The following PARP15 variants were observed in gnomAD, a reference collection of about 807,000 sequenced individuals.
PARP15 encodes the protein protein mono-ADP-ribosyltransferase PARP15.
Under a neutral mutation model 62.1 loss-of-function variants are expected in PARP15, and 50 were observed. The observed-to-expected ratio is 0.81, with a 90% confidence interval of 0.64 to 1.02. The LOEUF is 1.02. PARP15 is among the 50% of genes least tolerant of loss of function. The pLI is 0.00. For missense variants in PARP15, 820 were observed against 826.5 expected, an observed-to-expected ratio of 0.99 and a Z score of 0.10; for synonymous variants, 309 against 293.1, an observed-to-expected ratio of 1.05 and a Z score of -0.55.
intron 8 of PARP15, among the ~76,000 whole-genome samples, chr3:122,625,135 T>C (rs899093371): frequency 5.3e-5 from 8 of 152,332 alleles, no homozygotes; most frequent in Admixed American, 1.3e-4. Flanking sequence ...CAAACTGAAG[T>C]GTAGAGGTGT....
At chr3:122,602,734 AC>A (rs1410286371) in intron 1 of PARP15, among the ~76,000 whole-genome samples, 1 of 135,090 alleles carries the variant, frequency 7.4e-6, no homozygotes, top group East Asian at 2.0e-4. Flanking sequence ...TAAGGGCAAG[AC>A]TTTTTCAGGA....
At chr3:122,590,439 A>T (rs1173187954) in intron 1 of PARP15, among the ~76,000 whole-genome samples, 3 of 150,256 alleles carry the variant, frequency 2.0e-5, no homozygotes, top group African/African-American at 4.9e-5. Flanking sequence ...CGCCCAACTA[A>T]TTTTTTTTGC....
At chr3:122,593,062 A>G (rs1934047415) in intron 1 of PARP15, among the ~76,000 whole-genome samples, 1 of 151,174 alleles carries the variant, frequency 6.6e-6, no homozygotes, top group South Asian at 2.1e-4. Context: ...ACATATATAT[A>G]TGTATAGACT....
intron 6 of PARP15, among the ~76,000 whole-genome samples, chr3:122,619,259 A>T (rs1249316861): frequency 1.3e-5 from 2 of 152,202 alleles, no homozygotes; most frequent in Admixed American, 1.3e-4. Context: ...GTCAAAATGC[A>T]AAGTCCATAT....
chr3:122,607,981 A>G lies in PARP15; in HGVS notation c.306+1926A>G, dbSNP rs535984930. ...TCTGTCCTCTACATCACTGTTTGAT[A>G]TATATTCCAAAAACATTATTTTAGC... On this transcript the variant is annotated intron_variant, in intron 2 of 11. Coordinates refer to ENST00000464300, the MANE Select transcript of PARP15 (RefSeq NM_001113523.3). 2.0e-4 allele frequency among the ~76,000 whole-genome samples: 31 copies of G among 152,200 alleles called. No homozygotes were observed. The South Asian group carries it at 6.4e-3, about 32-fold the overall frequency.
Position 122,634,734 on chromosome 3 carries a change from T to C in PARP15, c.1573-286T>C, listed in dbSNP as rs147529315. Among the ~76,000 whole-genome samples the C allele has an allele frequency of 7.6e-3, 1,152 of 152,334 alleles. 8 individuals carry two copies. The highest frequency in any genetic ancestry group is 0.012 in the Non-Finnish European group (811 of 68,028). Reference sequence around the variant, plus strand: ...AGGAATTCCAGGGAATATATGTTGGTAATCATTTAGATATAAACCGCAAAT... The same window carrying C: ...AGGAATTCCAGGGAATATATGTTGGCAATCATTTAGATATAAACCGCAAAT... On this transcript the variant is annotated intron_variant, in intron 10 of 11. Coordinates refer to ENST00000464300, the MANE Select transcript of PARP15 (RefSeq NM_001113523.3).
At chr3:122,620,387 A>T (rs184113396) in intron 7 of PARP15, among the ~76,000 whole-genome samples, 55 of 152,324 alleles carry the variant, frequency 3.6e-4, no homozygotes, top group African/African-American at 1.2e-3. Context: ...TAGTGATTAT[A>T]AACTGTTTGT....
chr3:122,627,017 A>G lies in PARP15; in HGVS notation c.1422A>G (p.Thr474=), dbSNP rs2107590301. The G allele has an allele frequency of 1.9e-6, 3 of 1,611,560 alleles. No individual in the cohort carries two copies. The highest frequency in any genetic ancestry group is 1.3e-5 in the African/African-American group (1 of 74,922). ...CTGCATCACTGAACTTTCAGTCCACATTCTCCATGACTACATGTAAGATGT... is the reference window on the plus strand; with the variant it reads ...CTGCATCACTGAACTTTCAGTCCACGTTCTCCATGACTACATGTAAGATGT... ...DLSASLNFQS[T]FSMTTCNLPE... is the part of the protein sequence containing the mutation. Residue 474 remains threonine (T), a synonymous_variant, in exon 9 of 12, where the codon ACA becomes ACG. Transcript: ENST00000464300.
chr3:122,632,050 T>G (rs755427831), intron 9 of PARP15, 36 bp from the exon 10 acceptor site: 19 of 1,613,504 alleles, frequency 1.2e-5, no homozygotes, highest in Non-Finnish European at 1.6e-5. Flanking sequence ...TCTTTGGAAA[T>G]GAATGTTGTG....
At position 122,628,286 on chromosome 3, in the gene PARP15, G is replaced by A. The variant is rs539778777; in HGVS notation, c.1438+1253G>A. ...AGGTTATCATTGCAGGCAGGGAACC[G>A]GAATTACACTGGCCAAGCCAGAGTC... On this transcript the variant is annotated intron_variant, in intron 9 of 11. Transcript: ENST00000464300. Among the ~76,000 whole-genome samples the A allele has an allele frequency of 5.9e-5, 9 of 152,258 alleles. No individual in the cohort carries two copies. In the South Asian group the frequency reaches 1.0e-3, roughly 18 times the overall value.
At chr3:122,599,082 A>G (rs111818651) in intron 1 of PARP15, among the ~76,000 whole-genome samples, 12,820 of 152,042 alleles carry the variant, frequency 0.084, 547 homozygotes, top group Non-Finnish European at 0.1. Context: ...TTTTTAGTAG[A>G]GACAGGGTTT....
chr3:122,580,678 T>C (rs1161929741), intron 1 of PARP15, among the ~76,000 whole-genome samples: 1 of 152,216 alleles, frequency 6.6e-6, no homozygotes, highest in Non-Finnish European at 1.5e-5. Context: ...ATAGCATGTG[T>C]CAGAATTTCC....
chr3:122,584,057 G>A (rs1233241139), intron 1 of PARP15, among the ~76,000 whole-genome samples: 2 of 152,076 alleles, frequency 1.3e-5, no homozygotes, highest in African/African-American at 4.8e-5. Flanking sequence ...TCCATGTGGA[G>A]CAATTGTAGC....
chr3:122,602,659 T>C (rs1028959925), intron 1 of PARP15, among the ~76,000 whole-genome samples: 1 of 152,258 alleles, frequency 6.6e-6, no homozygotes, highest in African/African-American at 2.4e-5. Flanking sequence ...AAAATAGTAA[T>C]GACCTTACTT....
chr3:122,608,138 ACC>A lies in PARP15; in HGVS notation c.306+2084_306+2085del, dbSNP rs1271391945. On this transcript the variant is annotated intron_variant, in intron 2 of 11. Transcript: ENST00000464300. Reference sequence around the variant, plus strand: ...TCCCAGCCGCTCTTCTCACTACTGAACCTCTGCTTTAGCTAAATTTGGACTAC... The same window carrying A: ...TCCCAGCCGCTCTTCTCACTACTGAATCTGCTTTAGCTAAATTTGGACTAC... Among the ~76,000 whole-genome samples the A allele has an allele frequency of 3.8e-3, 563 of 149,174 alleles. 2 individuals are homozygous for A. Among genetic ancestry groups the A allele is most frequent in the Non-Finnish European group, 6.9e-3 (468 of 67,498 alleles).
Position 122,605,937 on chromosome 3 carries a change from C to T in PARP15, c.188C>T (p.Ser63Phe), listed in dbSNP as rs773755367. The T allele has an allele frequency of 5.2e-5, 80 of 1,551,012 alleles. 3 individuals carry two copies. In the South Asian group the frequency reaches 7.5e-4, roughly 15 times the overall value. The change falls in exon 2 of 12, where the codon TCC becomes TTC. Residue 63 changes from serine to phenylalanine, a missense_variant and splice_region_variant. Ser to Phe is a radical substitution (Grantham distance 155, BLOSUM62 -2). This residue lies in a region of PARP15 where 731 missense variants were observed against 727.7 expected (regional missense o/e 1.00). Transcript: ENST00000464300. ...AATGCTTTACTGTTTTCTCCACAGTCCAGAGACAACAAGTTCAGCAAGAAA... is the reference window on the plus strand; with the variant it reads ...AATGCTTTACTGTTTTCTCCACAGTTCAGAGACAACAAGTTCAGCAAGAAA... ...ASRRSSSRSM[S>F]RDNKFSKKDC...
intron 1 of PARP15, among the ~76,000 whole-genome samples, chr3:122,594,149 T>C (rs1422975469): frequency 6.6e-6 from 1 of 152,206 alleles, no homozygotes; most frequent in Non-Finnish European, 1.5e-5. Flanking sequence ...AACTGCTATG[T>C]ACATCCCCTC....
intron 4 of PARP15, chr3:122,615,328 TTTG>T (rs1303229552): frequency 1.5e-6 from 2 of 1,291,162 alleles, no homozygotes; most frequent in South Asian, 1.2e-5. Flanking sequence ...ACTGTATGTA[TTTG>T]TTGTTAATCA....
intron 7 of PARP15, 104 bp from the exon 8 acceptor site, chr3:122,621,340 T>C: frequency 8.0e-7 from 1 of 1,249,214 alleles, no homozygotes; most frequent in East Asian, 2.5e-5. Flanking sequence ...GAGACTGGGC[T>C]TCACAGCCTT....
Sources: allele counts gnomAD v4.1 joint callset (sites outside exome capture counted in the v4.1 genomes callset), GRCh38; gene constraint gnomAD v4.1.1; regional missense constraint gnomAD v4.1.1; transcripts MANE v1.5; gene names NCBI Gene and HGNC (gene_info 2026-07-23, HGNC 2026-07-21).